Variants in IPMK observed in about 807,000 individuals in gnomAD.
The protein encoded by IPMK is inositol polyphosphate multikinase, also known as inositol 1,3,4,6-tetrakisphosphate 5-kinase.
IPMK carries 17 observed loss-of-function variants against 45.8 expected under a neutral mutation model. The ratio of observed to expected loss-of-function variants is 0.37; its 90% CI spans 0.25 to 0.56. The LOEUF (loss-of-function observed/expected upper bound fraction) is 0.56, where lower values mean the gene tolerates loss of function less well. IPMK is among the 20% of genes least tolerant of loss of function. IPMK has a pLI of 0.79. For missense variants in IPMK, 399 were observed against 498.0 expected (o/e 0.80, Z 1.89); for synonymous variants, 180 against 184.3 (o/e 0.98, Z 0.19).
intron 2 of IPMK, 31 bp from the exon 3 acceptor site, chr10:58,227,170 T>A (rs1025911766): frequency 6.8e-7 from 1 of 1,468,986 alleles, no homozygotes; most frequent in African/African-American, 1.4e-5. Flanking sequence ...ATTGCTAGAT[T>A]CTTACAATGC....
At chr10:58,197,071 C>G (rs529315239) in intron 5 of IPMK, among the ~76,000 whole-genome samples, 1 of 148,148 alleles carries the variant, frequency 6.8e-6, no homozygotes, top group East Asian at 2.0e-4. Context: ...GAGGCCAAGG[C>G]GGGCGGATCA....
At chr10:58,256,925 C>T (rs1003220051) in intron 1 of IPMK, among the ~76,000 whole-genome samples, 11 of 152,076 alleles carry the variant, frequency 7.2e-5, no homozygotes, top group Non-Finnish European at 1.3e-4. Context: ...ATTAGCCACG[C>T]ATGTTGGCAC....
chr10:58,217,156 CTT>C (rs58314639), intron 3 of IPMK, among the ~76,000 whole-genome samples: 11 of 102,906 alleles, frequency 1.1e-4, no homozygotes, highest in East Asian at 3.2e-4. Flanking sequence ...GCCCATCTTG[CTT>C]TTTTTTTTTT....
intron 5 of IPMK, among the ~76,000 whole-genome samples, chr10:58,198,932 A>G (rs1287361842): frequency 6.6e-6 from 1 of 152,096 alleles, no homozygotes. Flanking sequence ...TTACAAAATA[A>G]TTTTATACAC....
rs1417271563 is a variant in IPMK at position 58,193,465 on chromosome 10, A to AT, written c.*2610dup. 4 of 151,856 alleles carry AT rather than the reference A, an allele frequency of 2.6e-5. No individual in the cohort carries two copies. Among genetic ancestry groups the AT allele is most frequent in the Non-Finnish European group, 5.9e-5 (4 of 67,750 alleles). The allele number at this position is 151,856 out of a possible 1,614,324, so 9.4% of individuals were successfully genotyped here. On this transcript the variant is annotated 3_prime_UTR_variant, in exon 6 of 6. Coordinates refer to ENST00000373935, the MANE Select transcript of IPMK (RefSeq NM_152230.5). Reference sequence around the variant, plus strand: ...AACTGTTTCTTGAAAAACTATTTAGATAAAATATTTAGCATTTATCATTGA... The same window carrying AT: ...AACTGTTTCTTGAAAAACTATTTAGATTAAAATATTTAGCATTTATCATTGA...
intron 3 of IPMK, 118 bp downstream of exon 3, chr10:58,226,925 C>A: frequency 1.7e-6 from 1 of 604,866 alleles, no homozygotes; most frequent in Non-Finnish European, 2.9e-6. Flanking sequence ...GAAAGCAAAA[C>A]ATATATATTT....
intron 3 of IPMK, among the ~76,000 whole-genome samples, chr10:58,226,741 G>A (rs533149575): frequency 6.6e-6 from 1 of 152,178 alleles, no homozygotes; most frequent in Admixed American, 6.5e-5. Flanking sequence ...CACTCAAAAT[G>A]GGAAAAGAAA....
intron 1 of IPMK, among the ~76,000 whole-genome samples, chr10:58,243,369 A>ATCCCTC (rs976494293): frequency 6.6e-6 from 1 of 151,982 alleles, no homozygotes; most frequent in Non-Finnish European, 1.5e-5. Context: ...AAAAAGGAAA[A>ATCCCTC]TCCCTCTCCC....
At chr10:58,241,002 T>C (rs1433978518) in intron 1 of IPMK, among the ~76,000 whole-genome samples, 2 of 152,134 alleles carry the variant, frequency 1.3e-5, no homozygotes, top group Non-Finnish European at 2.9e-5. Context: ...CAGCAAATCA[T>C]GTTGTCCCCA....
At chr10:58,230,666 T>G (rs925836010) in intron 2 of IPMK, among the ~76,000 whole-genome samples, 16 of 152,182 alleles carry the variant, frequency 1.1e-4, no homozygotes, top group African/African-American at 3.9e-4. Context: ...AAATCCCATC[T>G]GTAGGTCACC....
chr10:58,198,086 G>C (rs1189988713), intron 5 of IPMK, among the ~76,000 whole-genome samples: 2 of 152,146 alleles, frequency 1.3e-5, no homozygotes, highest in Non-Finnish European at 2.9e-5. Flanking sequence ...ATCTCATTTA[G>C]AGCTAACTAA....
intron 2 of IPMK, 55 bp downstream of exon 2, chr10:58,237,674 C>G (rs977297559): frequency 1.5e-6 from 2 of 1,311,886 alleles, no homozygotes; most frequent in African/African-American, 1.4e-5. Context: ...GAGTCACCAC[C>G]AGAAAACTCT....
chr10:58,262,252 A>T (rs369615261), intron 1 of IPMK, among the ~76,000 whole-genome samples: 2 of 152,208 alleles, frequency 1.3e-5, no homozygotes, highest in Non-Finnish European at 1.5e-5. Context: ...ATAAATAAAT[A>T]AAAAAATCTC....
intron 4 of IPMK, among the ~76,000 whole-genome samples, chr10:58,211,621 T>C (rs902435458): frequency 9.9e-5 from 15 of 151,848 alleles, no homozygotes; most frequent in Admixed American, 9.2e-4. Context: ...CTGCTTGGGA[T>C]TGCCCAGGAT....
chr10:58,247,366 C>T (rs61873884), intron 1 of IPMK, among the ~76,000 whole-genome samples: 31 of 151,168 alleles, frequency 2.1e-4, no homozygotes, highest in Non-Finnish European at 3.1e-4. Flanking sequence ...GTATGTTTAT[C>T]GCGGCATTAT....
In IPMK at chr10:58,267,824, G is replaced by A. The variant is rs1839177896; in HGVS notation, c.-213C>T. On this transcript the variant is annotated 5_prime_UTR_variant, in exon 1 of 6. Transcript: ENST00000373935. ...CAACTCTCGGCGGAACGCGGCTCCCGGCTCCTGTTCCTCTGCCGCCGCAGC... is the reference window on the plus strand; with the variant it reads ...CAACTCTCGGCGGAACGCGGCTCCCAGCTCCTGTTCCTCTGCCGCCGCAGC... 2.0e-6 allele frequency: 1 copy of A among 503,328 alleles called. No homozygotes were observed. The highest frequency in any genetic ancestry group is 4.3e-5 in the Admixed American group (1 of 23,158). The allele number at this position is 503,328 out of a possible 1,614,324, so 31.2% of individuals were successfully genotyped here.
Position 58,196,564 on chromosome 10 carries a change from A to T in IPMK, c.763T>A (p.Phe255Ile). The change falls in exon 6 of 6, where the codon TTT becomes ATT. Residue 255 changes from phenylalanine (F) to isoleucine (I), a missense_variant. Transcript: ENST00000373935. ...QLNFYASSLL[F>I]VYEGSSQPTT... ...GGCTGAGATGAACCTTCATAAACAAAGAGTAATGAACTTGCGTAAAAATTA... is the reference window on the plus strand; with the variant it reads ...GGCTGAGATGAACCTTCATAAACAATGAGTAATGAACTTGCGTAAAAATTA... 6.2e-7 allele frequency: 1 copy of T among 1,614,120 alleles called. No individual in the cohort carries two copies. The highest frequency in any genetic ancestry group is 8.5e-7 in the Non-Finnish European group (1 of 1,180,016).
chr10:58,210,698 G>A (rs1016782636), intron 4 of IPMK, among the ~76,000 whole-genome samples: 2 of 152,080 alleles, frequency 1.3e-5, no homozygotes, highest in African/African-American at 4.8e-5. Flanking sequence ...CCACCTCTAG[G>A]TAAGGTTAAA....
chr10:58,249,495 G>T (rs1378794115), intron 1 of IPMK, among the ~76,000 whole-genome samples: 1 of 146,612 alleles, frequency 6.8e-6, no homozygotes, highest in Non-Finnish European at 1.5e-5. Context: ...TACCCCAACT[G>T]GTCATTTGTA....
Sources: allele counts gnomAD v4.1 joint callset (sites outside exome capture counted in the v4.1 genomes callset), GRCh38; gene constraint gnomAD v4.1.1; transcripts MANE v1.5; gene names NCBI Gene and HGNC (gene_info 2026-07-23, HGNC 2026-07-21).